Variants in SLC12A8 observed in about 807,000 individuals in gnomAD.
SLC12A8 encodes the protein solute carrier family 12 member 8.
Under a neutral mutation model 75.6 loss-of-function variants are expected in SLC12A8, and 69 were observed. The observed-to-expected ratio is 0.91, with a 90% CI of 0.75 to 1.11. The LOEUF is 1.11. Ranked by LOEUF, SLC12A8 falls within the 50% of genes most tolerant of loss-of-function variation. SLC12A8 has a pLI of 0.00. For missense variants in SLC12A8, 877 were observed against 896.7 expected (o/e 0.98, Z 0.28); for synonymous variants, 365 against 372.8 (o/e 0.98, Z 0.24).
In SLC12A8 at chr3:125,139,763, G is replaced by A. The variant is rs565917375; in HGVS notation, c.623-3981C>T. ...CCAGGGTAGGGCTGAGGTCCATGCCGCCTGCCATGCCCTCCGACAGTGGCT... is the reference window on the plus strand; with the variant it reads ...CCAGGGTAGGGCTGAGGTCCATGCCACCTGCCATGCCCTCCGACAGTGGCT... On this transcript the variant is annotated intron_variant, in intron 5 of 13. Coordinates refer to ENST00000469902, the MANE Select transcript of SLC12A8 (RefSeq NM_024628.6). Among the ~76,000 whole-genome samples the A allele has an allele frequency of 1.4e-3, 206 of 152,298 alleles. 1 individual carries two copies. The highest frequency in any genetic ancestry group is 4.7e-3 in the African/African-American group (196 of 41,566).
Position 125,088,371 on chromosome 3 carries a change from C to T in SLC12A8, c.1922-1G>A, listed in dbSNP as rs1208354730. ...AAAAAGCTGAAGTTGGAGGCTGATC[C>T]TGCAGGGAAGACATATACATAACCA... On this transcript the variant is annotated splice_acceptor_variant, in intron 12 of 13. Coordinates refer to ENST00000469902, the MANE Select transcript of SLC12A8 (RefSeq NM_024628.6). LOFTEE classifies it high-confidence loss of function. 1.5e-5 allele frequency: 25 copies of T among 1,614,024 alleles called. No homozygotes were observed. The highest frequency in any genetic ancestry group is 2.0e-5 in the Non-Finnish European group (24 of 1,180,018).
chr3:125,148,215 G>A (rs991639076), intron 5 of SLC12A8, among the ~76,000 whole-genome samples: 1 of 152,202 alleles, frequency 6.6e-6, no homozygotes, highest in Non-Finnish European at 1.5e-5. Flanking sequence ...TCGCTATGGG[G>A]CCCAGAGATT....
chr3:125,160,368 T>C (rs868263417), intron 5 of SLC12A8, among the ~76,000 whole-genome samples: 7 of 152,350 alleles, frequency 4.6e-5, no homozygotes, highest in Middle Eastern at 3.4e-3. Context: ...AATTAATACA[T>C]ATAAAGTACA....
At position 125,203,043 on chromosome 3, in the gene SLC12A8, G is replaced by A. The variant is rs1579546076; in HGVS notation, c.51+8256C>T. 5.2e-5 allele frequency among the ~76,000 whole-genome samples: 7 copies of A among 134,466 alleles called. No individual in the cohort carries two copies. The South Asian group carries it at 1.7e-3, about 32-fold the overall frequency. 88.2% of individuals were successfully genotyped at this position (134,466 alleles called of 152,430 possible). ...GTGAAGGTTGCAGTGAGCTGAGATC[G>A]CATCATTGCACTCTAGCCTGGGGGA... is the stretch of plus-strand genomic sequence containing the variant. On this transcript the variant is annotated intron_variant, in intron 2 of 13. Coordinates refer to ENST00000469902, the MANE Select transcript of SLC12A8 (RefSeq NM_024628.6).
At chr3:125,103,540 T>C (rs928454285) in intron 10 of SLC12A8, among the ~76,000 whole-genome samples, 4 of 151,426 alleles carry the variant, frequency 2.6e-5, no homozygotes, top group Admixed American at 1.3e-4. Flanking sequence ...TGATGGCTCA[T>C]TGTAGCCTCA....
At chr3:125,157,066 T>C (rs1434421092) in intron 5 of SLC12A8, among the ~76,000 whole-genome samples, 1 of 152,218 alleles carries the variant, frequency 6.6e-6, no homozygotes, top group African/African-American at 2.4e-5. Context: ...CTTCTGAATG[T>C]TGCTACATTA....
intron 4 of SLC12A8, among the ~76,000 whole-genome samples, chr3:125,182,722 G>T (rs1319691276): frequency 6.6e-6 from 1 of 152,116 alleles, no homozygotes; most frequent in Non-Finnish European, 1.5e-5. Context: ...CGGTCAGGCT[G>T]GTCTCGAACT....
intron 6 of SLC12A8, among the ~76,000 whole-genome samples, chr3:125,134,059 A>G (rs528060864): frequency 1.2e-4 from 19 of 152,170 alleles, no homozygotes; most frequent in Non-Finnish European, 2.1e-4. Context: ...TTTACTCAGC[A>G]TAATTATTTT....
chr3:125,165,092 T>C (rs1465973698), intron 5 of SLC12A8, among the ~76,000 whole-genome samples: 2 of 152,180 alleles, frequency 1.3e-5, no homozygotes, highest in African/African-American at 2.4e-5. Flanking sequence ...TCCTGCATCT[T>C]TGAGGAGGGG....
At chr3:125,141,686 C>A (rs1179274728) in intron 5 of SLC12A8, among the ~76,000 whole-genome samples, 1 of 136,358 alleles carries the variant, frequency 7.3e-6, no homozygotes, top group East Asian at 1.9e-4. Context: ...CTGCGGGCTG[C>A]GGGCTGCGGG....
At chr3:125,155,130 T>C (rs1038996531) in intron 5 of SLC12A8, 2 of 152,228 alleles carry the variant, frequency 1.3e-5, no homozygotes, top group Non-Finnish European at 2.9e-5. Context: ...ATTTTCCATT[T>C]AGTATTTTCG....
intron 5 of SLC12A8, among the ~76,000 whole-genome samples, chr3:125,176,848 G>C (rs966135143): frequency 5.4e-5 from 8 of 148,624 alleles, no homozygotes; most frequent in Non-Finnish European, 1.2e-4. Flanking sequence ...AGGATGTGCA[G>C]AAATAGGAAC....
chr3:125,099,699 C>T (rs896443485), intron 10 of SLC12A8, among the ~76,000 whole-genome samples: 1 of 152,126 alleles, frequency 6.6e-6, no homozygotes, highest in Admixed American at 6.5e-5. Flanking sequence ...GAGGCTGAGG[C>T]ATGCAGAACC....
intron 2 of SLC12A8, among the ~76,000 whole-genome samples, chr3:125,191,372 A>G (rs1197337478): frequency 6.6e-6 from 1 of 152,202 alleles, no homozygotes; most frequent in East Asian, 1.9e-4. Flanking sequence ...AACCAGTAGT[A>G]ACTCACACTG....
chr3:125,208,214 C>A (rs1935262345), intron 2 of SLC12A8, among the ~76,000 whole-genome samples: 1 of 152,176 alleles, frequency 6.6e-6, no homozygotes, highest in Non-Finnish European at 1.5e-5. Flanking sequence ...CCACTCCAGA[C>A]TCACCCAGGC....
chr3:125,180,230 A>G (rs1378508870), intron 4 of SLC12A8, among the ~76,000 whole-genome samples: 8 of 152,198 alleles, frequency 5.3e-5, no homozygotes, highest in Non-Finnish European at 2.9e-5. Context: ...TTGTAAGGGC[A>G]TGGTGGTTAG....
At chr3:125,197,196 A>G (rs2107799919) in intron 2 of SLC12A8, among the ~76,000 whole-genome samples, 1 of 152,360 alleles carries the variant, frequency 6.6e-6, no homozygotes, top group East Asian at 1.9e-4. Flanking sequence ...CACTAGCCAA[A>G]TCTGGCACAA....
At chr3:125,210,387 T>G (rs1468184910) in intron 2 of SLC12A8, among the ~76,000 whole-genome samples, 1 of 152,042 alleles carries the variant, frequency 6.6e-6, no homozygotes, top group Admixed American at 6.5e-5. Context: ...GAGACTCAGG[T>G]GGGGTCAGAC....
At chr3:125,190,300 T>C (rs1934884213) in intron 3 of SLC12A8, 75 bp downstream of exon 3, 3 of 1,536,850 alleles carry the variant, frequency 2.0e-6, no homozygotes. Flanking sequence ...TGGCCTGCAC[T>C]GTAGAATGCA....
Sources: gnomAD v4.1 joint callset for allele counts (sites outside exome capture counted in the v4.1 genomes callset) on GRCh38, gnomAD v4.1.1 for gene constraint, MANE v1.5 for transcripts, NCBI Gene and HGNC (gene_info 2026-07-23, HGNC 2026-07-21) for gene names.